The following ABCC6 variants were observed in gnomAD, a reference collection of about 807,000 sequenced individuals.
ABCC6 encodes ATP-binding cassette sub-family C member 6.
In ABCC6, 126 loss-of-function variants were observed where a neutral mutation model predicts 169.5. The ratio of observed to expected loss-of-function variants is 0.74; its 90% confidence interval spans 0.64 to 0.86. The LOEUF is 0.86. Among genes scored for constraint, ABCC6 ranks in the 40% least tolerant of loss-of-function variants. ABCC6 has a pLI of 0.00. For missense variants in ABCC6, 1,733 were observed against 1,927.2 expected (o/e 0.90, Z 1.89); for synonymous variants, 752 against 814.7 (o/e 0.92, Z 1.31).
At chr16:16,197,180 G>A (rs1430613262) in intron 10 of ABCC6, among the ~76,000 whole-genome samples, 1 of 152,070 alleles carries the variant, frequency 6.6e-6, no homozygotes, top group Non-Finnish European at 1.5e-5. Context: ...CAGTGGCTAT[G>A]GTGGTGCCTC....
At chr16:16,177,083 A>C (rs1318872616) in intron 19 of ABCC6, among the ~76,000 whole-genome samples, 2 of 152,074 alleles carry the variant, frequency 1.3e-5, no homozygotes, top group Non-Finnish European at 2.9e-5. Flanking sequence ...GCAAGCATAG[A>C]CTCTGGAGCT....
intron 20 of ABCC6, among the ~76,000 whole-genome samples, chr16:16,173,756 T>G (rs905621727): frequency 6.6e-6 from 1 of 151,450 alleles, no homozygotes; most frequent in Non-Finnish European, 1.5e-5. Flanking sequence ...CTCAAACTCC[T>G]GAGCTCAAGC....
At chr16:16,152,217 T>C (rs1405442543) in intron 29 of ABCC6, among the ~76,000 whole-genome samples, 1 of 48,244 alleles carries the variant, frequency 2.1e-5, no homozygotes, top group Non-Finnish European at 4.1e-5. Context: ...AAAAAAAAAG[T>C]GTGTAGGCTT....
At chr16:16,158,584 T>C (rs1376230878) in intron 26 of ABCC6, among the ~76,000 whole-genome samples, 1 of 152,234 alleles carries the variant, frequency 6.6e-6, no homozygotes, top group Non-Finnish European at 1.5e-5. Context: ...ACTGTAATGT[T>C]ACTGTTATAT....
At chr16:16,181,130 C>T (rs1355706198) in intron 17 of ABCC6, among the ~76,000 whole-genome samples, 1 of 151,790 alleles carries the variant, frequency 6.6e-6, no homozygotes, top group Non-Finnish European at 1.5e-5. Context: ...ATGGTGAAAC[C>T]CCATCTCTAC....
Position 16,150,764 on chromosome 16 carries a change from T to C in ABCC6, c.4217A>G (p.Gln1406Arg), listed in dbSNP as rs1316994507. ...ADRGEDLSVG[Q>R]KQLLCLARAL... is the part of the protein sequence containing the mutation. ...ACGTGCCAGACACAGGAGCTGTTTC[T>C]GGCCCACGCTGGGAACGATTGGGAC... Residue 1406 changes from glutamine (Q) to arginine (R), a missense_variant, in exon 30 of 31, where the codon CAG (glutamine) becomes CGG (arginine). By Grantham distance (43) the Gln-to-Arg change is conservative (BLOSUM62 1). Transcript: ENST00000205557. The C allele has an allele frequency of 6.2e-7, 1 of 1,613,588 alleles. No homozygotes were observed.
In ABCC6 at chr16:16,157,809, C is replaced by T. The variant is rs1489592450; in HGVS notation, c.3736G>A (p.Ala1246Thr). The T allele has an allele frequency of 1.9e-6, 3 of 1,609,728 alleles. No individual in the cohort carries two copies. The highest frequency in any genetic ancestry group is 2.2e-5 in the East Asian group (1 of 44,860). ...MQDYAWTPKE[A>T]PWRLPTCAAQ... ...GCACATGTGGGCAGCCTCCAGGGAG[C>T]CTGGAGCAGGAGGGGAAACTGAGTC... Residue 1246 changes from alanine to threonine, a missense_variant and splice_region_variant, in exon 27 of 31, where the codon GCT becomes ACT. By Grantham distance (58) the Ala-to-Thr change is moderately conservative. Transcript: ENST00000205557.
chr16:16,184,368 C>A (rs57018726), intron 15 of ABCC6, among the ~76,000 whole-genome samples: 3,774 of 152,168 alleles, frequency 0.025, 82 homozygotes, highest in African/African-American at 0.054. Context: ...TGTCACCCCA[C>A]GAGAGCAGGG....
chr16:16,219,341 G>C (rs1160109855), intron 4 of ABCC6, among the ~76,000 whole-genome samples: 1 of 152,208 alleles, frequency 6.6e-6, no homozygotes, highest in Non-Finnish European at 1.5e-5. Flanking sequence ...ATGTGGGCCT[G>C]TAAGACAGGA....
At position 16,203,556 on chromosome 16, in the gene ABCC6, C is replaced by A; in HGVS notation, c.852G>T (p.Glu284Asp). ...CTTCTTGCCGTAGGAAGGGCTCGGT[C>A]TCTGGAGCCTTCATGCCACTGCCGC... Reference protein sequence around the residue: ...RKGGSGMKAPETEPFLRQEGS... With the variant: ...RKGGSGMKAPDTEPFLRQEGS... Residue 284 changes from glutamate to aspartate, a missense_variant, in exon 8 of 31, where the codon GAG becomes GAT. By Grantham distance (45) the Glu-to-Asp change is conservative. Around this residue, in one of 5 missense-constraint regions of ABCC6, gnomAD observed 1,601 missense variants for 1,635.5 expected, o/e 0.98. Transcript: ENST00000205557. The A allele has an allele frequency of 6.2e-7, 1 of 1,614,048 alleles. No individual in the cohort carries two copies. The highest frequency in any genetic ancestry group is 1.1e-5 in the South Asian group (1 of 91,072).
At chr16:16,186,504 A>G (rs984807824) in intron 14 of ABCC6, among the ~76,000 whole-genome samples, 2 of 151,266 alleles carry the variant, frequency 1.3e-5, no homozygotes, top group African/African-American at 4.9e-5. Flanking sequence ...CCTGAGCTCC[A>G]CCTCCTGCCA....
chr16:16,163,236 A>G (rs369761107), intron 23 of ABCC6, 44 bp from the exon 24 acceptor site: 23 of 1,584,484 alleles, frequency 1.5e-5, no homozygotes, highest in South Asian at 1.1e-4. Flanking sequence ...AGCCACAGAC[A>G]TAGAGAGGTA....
At chr16:16,170,151 A>C (rs1291173143) in intron 21 of ABCC6, among the ~76,000 whole-genome samples, 4 of 149,550 alleles carry the variant, frequency 2.7e-5, no homozygotes, top group Non-Finnish European at 5.9e-5. Context: ...CCCAGGCTGG[A>C]GTACACTGGC....
rs752043344 is a variant in ABCC6, at chr16:16,178,752, C to A, written c.2415+46G>T. On this transcript the variant is annotated intron_variant, in intron 18 of 30. Coordinates refer to ENST00000205557, the MANE Select transcript of ABCC6 (RefSeq NM_001171.6). ...GGTTAGGACTGGATGCTAAGTGCTT[C>A]CTCTGCCTTTGCCCTGTACTGTCTG... 17 of 1,611,034 alleles carry A rather than the reference C, an allele frequency of 1.1e-5. No individual in the cohort carries two copies. In the East Asian group the frequency reaches 3.8e-4, roughly 36 times the overall value.
chr16:16,164,913 C>T (rs1019239208), intron 23 of ABCC6, among the ~76,000 whole-genome samples: 4 of 152,304 alleles, frequency 2.6e-5, no homozygotes, highest in Non-Finnish European at 4.4e-5. Context: ...TGGGCCCATG[C>T]CCCCAAGGAA....
At position 16,178,907 on chromosome 16, in the gene ABCC6, C is replaced by T. The variant is rs57794451; in HGVS notation, c.2306G>A (p.Arg769Lys). 1.5e-4 allele frequency: 245 copies of T among 1,613,786 alleles called. No homozygotes were observed. The African/African-American group carries it at 3.1e-3, about 20-fold the overall frequency. Reference sequence around the variant, plus strand: ...ATCCAGCAGGTACACAGCTGCCTTTCTGTATACAGCCCGGGCCAGGCTCAG... The same window carrying T: ...ATCCAGCAGGTACACAGCTGCCTTTTTGTATACAGCCCGGGCCAGGCTCAG... ...QRLSLARAVY[R>K]KAAVYLLDDP... The change falls in exon 18 of 31, where the codon AGA becomes AAA. Residue 769 changes from arginine to lysine, a missense_variant. Arg to Lys is a conservative substitution (Grantham distance 26). Coordinates refer to ENST00000205557, the MANE Select transcript of ABCC6 (RefSeq NM_001171.6).
intron 20 of ABCC6, among the ~76,000 whole-genome samples, chr16:16,175,591 A>G (rs1201508089): frequency 6.6e-6 from 1 of 152,150 alleles, no homozygotes; most frequent in East Asian, 1.9e-4. Context: ...GTTTACAGCT[A>G]TGGGGAGGAA....
intron 23 of ABCC6, 81 bp downstream of exon 23, chr16:16,165,542 T>C (rs2046845306): frequency 6.7e-7 from 1 of 1,499,276 alleles, no homozygotes; most frequent in Non-Finnish European, 9.3e-7. Context: ...TGAAACCTCA[T>C]ATATGGAGTC....
chr16:16,196,237 CT>C (rs1447333388), intron 10 of ABCC6, among the ~76,000 whole-genome samples: 3 of 149,002 alleles, frequency 2.0e-5, no homozygotes, highest in Admixed American at 6.7e-5. Flanking sequence ...CAAAAGGATA[CT>C]ATTTCACGAC....
Sources: gnomAD v4.1 joint callset for allele counts (sites outside exome capture counted in the v4.1 genomes callset) on GRCh38, gnomAD v4.1.1 for gene constraint, gnomAD v4.1.1 regional missense constraint, MANE v1.5 for transcripts, NCBI Gene and HGNC (gene_info 2026-07-23, HGNC 2026-07-21) for gene names.